TOX3: variants seen among roughly 807,000 people sequenced by gnomAD.
The protein encoded by TOX3 is TOX high mobility group box family member 3.
TOX3 carries 22 observed loss-of-function variants against 64.3 expected under a neutral mutation model. The observed-to-expected ratio is 0.34, with a 90% CI of 0.24 to 0.49. TOX3 has a LOEUF of 0.49. Ranked by LOEUF, TOX3 falls within the 20% of genes least tolerant of loss-of-function variation. The pLI, the probability that TOX3 is intolerant of heterozygous loss-of-function variation, is 0.99. For missense variants in TOX3, 661 were observed against 714.4 expected, an observed-to-expected ratio of 0.93 and a Z score of 0.85; for synonymous variants, 291 against 273.6, an observed-to-expected ratio of 1.06 and a Z score of -0.63.
chr16:52,468,592 G>C lies in TOX3; in HGVS notation c.88-18C>G. ...TTTCCAAACTGAAAGAAAACAGATT[G>C]TTTTACGTTAATATGCGGCATAATA... is the stretch of plus-strand genomic sequence containing the variant. On this transcript the variant is annotated intron_variant, in intron 1 of 6. Transcript: ENST00000219746. 6.3e-7 allele frequency: 1 copy of C among 1,588,340 alleles called. No homozygotes were observed. Among genetic ancestry groups the C allele is most frequent in the South Asian group, 1.1e-5 (1 of 89,710 alleles).
chr16:52,507,181 GGATAGAAA>G (rs1181380373), intron 1 of TOX3, among the ~76,000 whole-genome samples: 16 of 152,294 alleles, frequency 1.1e-4, no homozygotes, highest in African/African-American at 3.4e-4. Flanking sequence ...CAAAGAATGG[GGATAGAAA>G]GGGAGCCATG....
rs71376169 is a variant in TOX3 at position 52,510,759 on chromosome 16, C to CAA, written c.87+35876_87+35877dup. 6.3e-3 allele frequency among the ~76,000 whole-genome samples: 455 copies of CAA among 71,978 alleles called. 6 individuals carry two copies. The highest frequency in any genetic ancestry group is 0.018 in the South Asian group (27 of 1,460). The allele number at this position is 71,978 out of a possible 152,430, so 47.2% of individuals were successfully genotyped here. A position where few individuals can be genotyped will look rare whatever the true frequency, so the allele number is the denominator to read the frequency against. On this transcript the variant is annotated intron_variant, in intron 1 of 6. Coordinates refer to ENST00000219746, the MANE Select transcript of TOX3 (RefSeq NM_001080430.4). ...AAACAGACAGAGAAGGACCCTGTCT[C>CAA]AAAAAAAAAAAAAAAAAAAAAGAAG...
intron 1 of TOX3, among the ~76,000 whole-genome samples, chr16:52,483,460 G>A (rs1379747234): frequency 6.6e-5 from 10 of 151,774 alleles, no homozygotes; most frequent in African/African-American, 2.4e-4. Context: ...ATCTCCCTTC[G>A]TGTGCCTTTG....
At chr16:52,452,799 A>T (rs954267596) in intron 3 of TOX3, among the ~76,000 whole-genome samples, 11 of 152,250 alleles carry the variant, frequency 7.2e-5, no homozygotes, top group African/African-American at 2.4e-4. Context: ...TAGAATATTA[A>T]ATACATACAT....
intron 1 of TOX3, among the ~76,000 whole-genome samples, chr16:52,510,144 TAAA>T (rs35701412): frequency 2.9e-5 from 4 of 138,616 alleles, no homozygotes; most frequent in Admixed American, 7.2e-5. Context: ...GCCTTGCTGT[TAAA>T]AAAAAAAAAA....
At chr16:52,449,358 C>T (rs964726299) in intron 4 of TOX3, among the ~76,000 whole-genome samples, 2 of 152,138 alleles carry the variant, frequency 1.3e-5, no homozygotes, top group African/African-American at 4.8e-5. Context: ...CACTGTTCCT[C>T]ACTAGCCCCC....
chr16:52,533,607 C>A (rs1184577385), intron 1 of TOX3, among the ~76,000 whole-genome samples: 1 of 152,016 alleles, frequency 6.6e-6, no homozygotes, highest in Non-Finnish European at 1.5e-5. Context: ...TTAGGATTTT[C>A]TTTTATGTGT....
chr16:52,546,549 G>A (rs1963192815), intron 1 of TOX3, 88 bp downstream of exon 1: 2 of 1,236,740 alleles, frequency 1.6e-6, no homozygotes, highest in African/African-American at 3.1e-5. Context: ...CCAAAGAAAA[G>A]TGCAGCAGGC....
chr16:52,543,912 G>T (rs1479365962), intron 1 of TOX3, among the ~76,000 whole-genome samples: 3 of 152,130 alleles, frequency 2.0e-5, no homozygotes, highest in Admixed American at 6.5e-5. Flanking sequence ...CTGGTCATTT[G>T]TTAAAGAGAG....
chr16:52,512,537 T>C (rs1044544641), intron 1 of TOX3, among the ~76,000 whole-genome samples: 1 of 152,164 alleles, frequency 6.6e-6, no homozygotes, highest in African/African-American at 2.4e-5. Context: ...ATGCAGTTAG[T>C]GACAAAAGAG....
At chr16:52,518,554 T>C (rs1367096930) in intron 1 of TOX3, among the ~76,000 whole-genome samples, 1 of 152,204 alleles carries the variant, frequency 6.6e-6, no homozygotes. Flanking sequence ...TAAAACGTCT[T>C]CTCTATATTG....
rs3086679 is a variant in TOX3 at position 52,490,626 on chromosome 16, A to ATT, written c.88-22054_88-22053dup. Among the ~76,000 whole-genome samples the ATT allele has an allele frequency of 6.3e-3, 619 of 99,034 alleles. 16 individuals carry two copies. The highest frequency in any genetic ancestry group is 0.025 in the African/African-American group (567 of 23,056). 65.0% of individuals were successfully genotyped at this position (99,034 alleles called of 152,430 possible). On this transcript the variant is annotated intron_variant, in intron 1 of 6. Transcript: ENST00000219746. The stretch of plus-strand genomic sequence containing the variant: ...ACTGAGACCTTCCTTCTAGGATGTA[A>ATT]TTTTTTTTTTTTTTTTTTTTTAATA...
chr16:52,542,984 C>G (rs1963107353), intron 1 of TOX3, among the ~76,000 whole-genome samples: 1 of 152,102 alleles, frequency 6.6e-6, no homozygotes, highest in South Asian at 2.1e-4. Flanking sequence ...AATTAGAAAG[C>G]AAAGTCTGGG....
chr16:52,466,272 G>A (rs1248035034), intron 2 of TOX3, among the ~76,000 whole-genome samples: 1 of 152,152 alleles, frequency 6.6e-6, no homozygotes, highest in African/African-American at 2.4e-5. Flanking sequence ...AAAATGGTCA[G>A]GGTAATCATG....
chr16:52,546,155 C>A (rs893090563), intron 1 of TOX3, among the ~76,000 whole-genome samples: 8 of 152,012 alleles, frequency 5.3e-5, no homozygotes, highest in Admixed American at 3.3e-4. Flanking sequence ...AAGTTTGTTC[C>A]TTTCCGTCCG....
chr16:52,499,868 T>C (rs1375700626), intron 1 of TOX3, among the ~76,000 whole-genome samples: 2 of 152,236 alleles, frequency 1.3e-5, no homozygotes, highest in African/African-American at 2.4e-5. Context: ...AAAAGCTCTT[T>C]CCAAGTCACT....
intron 2 of TOX3, among the ~76,000 whole-genome samples, chr16:52,466,822 G>C (rs1960880939): frequency 6.6e-6 from 1 of 151,900 alleles, no homozygotes; most frequent in African/African-American, 2.4e-5. Flanking sequence ...TTAAAGGCAG[G>C]TAATATATTA....
chr16:52,524,306 T>C (rs548263221), intron 1 of TOX3, among the ~76,000 whole-genome samples: 1 of 152,280 alleles, frequency 6.6e-6, no homozygotes, highest in South Asian at 2.1e-4. Context: ...TCTATTTGAG[T>C]TTTAAAAAAT....
chr16:52,547,543 C>G (rs941978401), upstream of TOX3: 2 of 152,330 alleles, frequency 1.3e-5, no homozygotes, highest in African/African-American at 4.8e-5. Flanking sequence ...TGCTCCCTTC[C>G]TGTCGCTTTC....
Sources: gnomAD v4.1 joint callset for allele counts (sites outside exome capture counted in the v4.1 genomes callset) on GRCh38, gnomAD v4.1.1 for gene constraint, MANE v1.5 for transcripts, NCBI Gene and HGNC (gene_info 2026-07-23, HGNC 2026-07-21) for gene names.